ARHGAP23: variants seen among roughly 807,000 people sequenced by gnomAD.
ARHGAP23 encodes rho GTPase-activating protein 23.
A neutral mutation model predicts 136.3 loss-of-function variants in ARHGAP23; 34 were observed. The observed-to-expected ratio is 0.25, with a 90% CI of 0.19 to 0.33. The LOEUF (loss-of-function observed/expected upper bound fraction) is 0.33. ARHGAP23 is among the 10% of genes least tolerant of loss of function. The pLI is 1.00. For synonymous variants in ARHGAP23, 832 were observed against 920.5 expected (o/e 0.90, Z 1.74); for missense variants, 1,808 against 2,139.0 (o/e 0.85, Z 3.05).
At chr17:38,436,146 G>A (rs2038792026) in intron 1 of ARHGAP23, among the ~76,000 whole-genome samples, 7 of 152,184 alleles carry the variant, frequency 4.6e-5, no homozygotes, top group Admixed American at 4.6e-4. Context: ...GTTGGGTCCA[G>A]AGCCCAGGAG....
chr17:38,510,623 T>G lies in ARHGAP23; in HGVS notation c.4127T>G (p.Leu1376Arg). Residue 1376 changes from leucine (L) to arginine (R), a missense_variant, in exon 24 of 24, where the codon CTC becomes CGC. By Grantham distance (102) the Leu-to-Arg change is moderately radical. Around this residue, in one of 7 missense-constraint regions of ARHGAP23, gnomAD observed 506 missense variants for 455.8 expected, o/e 1.11. Transcript: ENST00000622683. The surrounding 1 kb of genome is among the most constrained non-coding windows in gnomAD (Gnocchi z 4.6). ...PSRMEALRLR[L>R]RGTADDMLAV... ...CGCATGGAGGCGCTGCGTCTAAGGC[T>G]CCGCGGCACGGCGGACGACATGCTC... The G allele has an allele frequency of 7.4e-7, 1 of 1,343,426 alleles. No homozygotes were observed. The highest frequency in any genetic ancestry group is 9.5e-7 in the Non-Finnish European group (1 of 1,055,852). The allele number at this position is 1,343,426 out of a possible 1,614,324, so 83.2% of individuals were successfully genotyped here.
intron 17 of ARHGAP23, 64 bp downstream of exon 17, chr17:38,486,204 C>A: frequency 1.1e-5 from 15 of 1,330,870 alleles, no homozygotes; most frequent in Non-Finnish European, 1.6e-5. Context: ...CTGACCACTA[C>A]TTTTGCATTT....
chr17:38,462,499 A>AC (rs1241917175), intron 3 of ARHGAP23, among the ~76,000 whole-genome samples: 2 of 151,618 alleles, frequency 1.3e-5, no homozygotes, highest in African/African-American at 4.9e-5. Flanking sequence ...CAAGTGATCC[A>AC]CCCGCCTTGG....
rs1439014067 is a variant in ARHGAP23, at chr17:38,510,831, C to T, written c.4335C>T (p.Ser1445=). 2.0e-6 allele frequency: 3 copies of T among 1,509,572 alleles called. No individual in the cohort carries two copies. Among genetic ancestry groups the T allele is most frequent in the South Asian group, 2.5e-5 (2 of 80,584 alleles). 93.5% of individuals were successfully genotyped at this position (1,509,572 alleles called of 1,614,324 possible). ...GARAHSDNKD[S]GLSSLESTKA... ...GGGCGCACAGTGACAACAAGGACTCCGGACTCAGCAGCCTGGAGTCCACCA... is the reference window on the plus strand; with the variant it reads ...GGGCGCACAGTGACAACAAGGACTCTGGACTCAGCAGCCTGGAGTCCACCA... Residue 1445 remains serine, a synonymous_variant, in exon 24 of 24, where the codon TCC becomes TCT. Transcript: ENST00000622683. The surrounding 1 kb of genome is among the most constrained non-coding windows in gnomAD (Gnocchi z 4.6).
In ARHGAP23 at chr17:38,472,135, A is replaced by G. The variant is rs2039775170; in HGVS notation, c.2118+129A>G. ...GGTTGTTGCATGAAGGATGGAGGTTAGATGCTAGGAAGAACTTCCTGGCAG... is the reference window on the plus strand; with the variant it reads ...GGTTGTTGCATGAAGGATGGAGGTTGGATGCTAGGAAGAACTTCCTGGCAG... On this transcript the variant is annotated intron_variant, in intron 11 of 23. Transcript: ENST00000622683. The G allele has an allele frequency of 6.9e-6, 8 of 1,163,852 alleles. No homozygotes were observed. The East Asian group carries it at 2.1e-4, about 31-fold the overall frequency. 72.1% of individuals were successfully genotyped at this position (1,163,852 alleles called of 1,614,324 possible).
At chr17:38,469,926 G>T in intron 10 of ARHGAP23, 22 bp downstream of exon 10, 1 of 1,551,440 alleles carries the variant, frequency 6.4e-7, no homozygotes, top group Non-Finnish European at 8.7e-7. Context: ...AAGTGTGTGT[G>T]CGTGCGCAGG....
chr17:38,428,276 C>T (rs2038599431), upstream of ARHGAP23: 2 of 240,806 alleles, frequency 8.3e-6, no homozygotes. Flanking sequence ...CTGCCTCAGC[C>T]CGGTTGCAGG....
rs116156804 is a variant in ARHGAP23, at chr17:38,431,455, G to C, written c.63+2907G>C. Among the ~76,000 whole-genome samples the C allele has an allele frequency of 2.9e-3, 445 of 152,314 alleles. 2 individuals carry two copies. Among genetic ancestry groups the C allele is most frequent in the African/African-American group, 9.8e-3 (407 of 41,572 alleles). The stretch of plus-strand genomic sequence containing the variant: ...TCTCACCATCTCGGGAGAGAGACAT[G>C]AATAGGGCCTGTGGGAGCTGGTGCT... On this transcript the variant is annotated intron_variant, in intron 1 of 23. Transcript: ENST00000622683.
intron 6 of ARHGAP23, among the ~76,000 whole-genome samples, chr17:38,464,417 C>T (rs2039534295): frequency 1.3e-5 from 2 of 152,252 alleles, no homozygotes; most frequent in South Asian, 2.1e-4. Context: ...CTTACTTGCC[C>T]CTGAGGTCAC....
chr17:38,468,568 G>A (rs1036685656), intron 7 of ARHGAP23, among the ~76,000 whole-genome samples: 1 of 152,150 alleles, frequency 6.6e-6, no homozygotes. Context: ...CACAGCCCTG[G>A]CTCCCCCAGC....
At chr17:38,456,329 G>A (rs1225467081) in intron 1 of ARHGAP23, among the ~76,000 whole-genome samples, 2 of 152,208 alleles carry the variant, frequency 1.3e-5, no homozygotes, top group Non-Finnish European at 2.9e-5. Context: ...AGGGTGGATG[G>A]TCCATGAATG....
At chr17:38,472,981 G>C (rs2144678215) in intron 11 of ARHGAP23, among the ~76,000 whole-genome samples, 1 of 152,314 alleles carries the variant, frequency 6.6e-6, no homozygotes, top group Non-Finnish European at 1.5e-5. Context: ...CTGTTGCCCA[G>C]GCTGGAGTGC....
Position 38,479,770 on chromosome 17 carries a change from A to G in ARHGAP23, c.2516A>G (p.Lys839Arg). ...CTACACAGCCATAGCTCTGGGCCCA[A>G]AGCTGATTCCTCCCCCAAAGGCTCT... ...YRKVSHSSGPKADSSPKGSRG... is the reference protein window; with the variant it reads ...YRKVSHSSGPRADSSPKGSRG... The change falls in exon 14 of 24, where the codon AAA becomes AGA. Residue 839 changes from lysine (K) to arginine (R), a missense_variant. Around this residue, in one of 7 missense-constraint regions of ARHGAP23, gnomAD observed 139 missense variants for 264.3 expected, o/e 0.53. Transcript: ENST00000622683. The G allele has an allele frequency of 6.7e-7, 1 of 1,494,678 alleles. No homozygotes were observed. Among genetic ancestry groups the G allele is most frequent in the Non-Finnish European group, 8.9e-7 (1 of 1,119,376 alleles). 92.6% of individuals were successfully genotyped at this position (1,494,678 alleles called of 1,614,324 possible). A position where few individuals can be genotyped will look rare whatever the true frequency, so the allele number is the denominator to read the frequency against.
At chr17:38,424,454 C>T (rs1037745323), upstream of ARHGAP23, among the ~76,000 whole-genome samples, 32 of 152,254 alleles carry the variant, frequency 2.1e-4, no homozygotes, top group Non-Finnish European at 1.2e-4. Context: ...CACCCACTGG[C>T]CCCCGAGGCT....
intron 13 of ARHGAP23, 37 bp from the exon 14 acceptor site, chr17:38,479,716 A>C (rs1295739012): frequency 6.8e-7 from 1 of 1,463,698 alleles, no homozygotes; most frequent in Admixed American, 2.7e-5. Context: ...GGCCACCCCA[A>C]ATGAAGACCT....
At chr17:38,467,658 CCCT>C (rs1344877108) in intron 7 of ARHGAP23, among the ~76,000 whole-genome samples, 1 of 152,036 alleles carries the variant, frequency 6.6e-6, no homozygotes, top group African/African-American at 2.4e-5. Context: ...CTTCCTCTCT[CCCT>C]CCTTTGTTCA....
chr17:38,465,097 G>A lies in ARHGAP23; in HGVS notation c.484-1070G>A, dbSNP rs1358332198. ...GTCAGTGGCGGGGTTAGCCGGAGCTGGGGGTGGGCGGAGGCGGGCTGGGAT... is the reference window on the plus strand; with the variant it reads ...GTCAGTGGCGGGGTTAGCCGGAGCTAGGGGTGGGCGGAGGCGGGCTGGGAT... On this transcript the variant is annotated intron_variant, in intron 6 of 23. Coordinates refer to ENST00000622683, the MANE Select transcript of ARHGAP23 (RefSeq NM_001199417.2). Among the ~76,000 whole-genome samples the A allele has an allele frequency of 3.3e-5, 5 of 152,102 alleles. No homozygotes were observed. In the East Asian group the frequency reaches 7.8e-4, roughly 24 times the overall value.
At position 38,467,090 on chromosome 17, in the gene ARHGAP23, A is replaced by T. The variant is rs762232624; in HGVS notation, c.1407A>T (p.Val469=). 2.6e-6 allele frequency: 4 copies of T among 1,550,550 alleles called. No homozygotes were observed. The South Asian group carries it at 4.8e-5, about 18-fold the overall frequency. ...PPEASEPPRV[V]RPEPSTRALE... is the part of the protein sequence containing the mutation. ...AGGCCTCCGAGCCACCCAGGGTTGT[A>T]CGGCCGGAACCCAGCACCCGGGCCC... Residue 469 remains valine (V), a synonymous_variant, in exon 7 of 24, where the codon GTA becomes GTT. Coordinates refer to ENST00000622683, the MANE Select transcript of ARHGAP23 (RefSeq NM_001199417.2).
intron 14 of ARHGAP23, 91 bp downstream of exon 14, chr17:38,479,974 C>T (rs2039996552): frequency 6.7e-7 from 1 of 1,498,080 alleles, no homozygotes. Context: ...GCTGTGTCTG[C>T]TCATGTGTGC....
Sources: gnomAD v4.1 joint callset for allele counts (sites outside exome capture counted in the v4.1 genomes callset) on GRCh38, gnomAD v4.1.1 for gene constraint, gnomAD v4.1.1 regional missense constraint, Gnocchi (gnomAD v3.1) non-coding constraint, MANE v1.5 for transcripts, NCBI Gene and HGNC (gene_info 2026-07-23, HGNC 2026-07-21) for gene names.